FAM81A: variants seen among roughly 807,000 people sequenced by gnomAD.
The protein encoded by FAM81A is protein FAM81A.
FAM81A carries 19 observed loss-of-function variants against 46.7 expected under a neutral mutation model. The ratio of observed to expected loss-of-function variants is 0.41; its 90% CI spans 0.28 to 0.60. The LOEUF (loss-of-function observed/expected upper bound fraction) is 0.60, where lower values mean the gene tolerates loss of function less well. FAM81A is among the 20% of genes least tolerant of loss of function. The probability of loss-of-function intolerance (pLI) is 0.34; values close to 1 mark genes in which losing one functional copy is unlikely to be tolerated. For missense variants in FAM81A, 377 were observed against 453.5 expected (o/e 0.83, Z 1.53); for synonymous variants, 183 against 152.9 (o/e 1.20, Z -1.45).
At chr15:59,518,189 G>A (rs1241231646) in intron 8 of FAM81A, among the ~76,000 whole-genome samples, 3 of 150,662 alleles carry the variant, frequency 2.0e-5, no homozygotes, top group South Asian at 2.1e-4. Flanking sequence ...TGTTGGCCAG[G>A]CTAGTCTTGA....
At chr15:59,402,898 T>C (rs2081078251) in intron 2 of FAM81A, among the ~76,000 whole-genome samples, 1 of 152,206 alleles carries the variant, frequency 6.6e-6, no homozygotes, top group Non-Finnish European at 1.5e-5. Flanking sequence ...CTAAATCATC[T>C]TCATAGGGGT....
In FAM81A at chr15:59,422,300, A is replaced by C. The variant is rs1376424882; in HGVS notation, c.-78+19942A>C. On this transcript the variant is annotated intron_variant, in intron 2 of 4. Transcript: ENST00000558348. ...CTTGTAGTATCCCTGAGATTAGGGT[A>C]TCACTTGAGCCCAGGAGTTCGAGGC... 6.6e-5 allele frequency among the ~76,000 whole-genome samples: 10 copies of C among 152,200 alleles called. No individual in the cohort carries two copies. The East Asian group carries it at 1.9e-3, about 29-fold the overall frequency.
rs545436445 is a variant in FAM81A, at chr15:59,422,623, C to T, written c.-78+20265C>T. Among the ~76,000 whole-genome samples, 6 of 152,104 alleles carry T rather than the reference C, an allele frequency of 3.9e-5. No homozygotes were observed. In the South Asian group the frequency reaches 1.2e-3, roughly 32 times the overall value. ...TCCGAAGTAGCTGGGACTACAGGTG[C>T]CTGCCACCACGCTCAGCTAATTTTT... On this transcript the variant is annotated intron_variant, in intron 2 of 4. Coordinates refer to the FAM81A transcript ENST00000558348.
At chr15:59,490,500 C>G (rs2081969309) in intron 3 of FAM81A, among the ~76,000 whole-genome samples, 1 of 152,130 alleles carries the variant, frequency 6.6e-6, no homozygotes, top group Non-Finnish European at 1.5e-5. Flanking sequence ...AAAAGGTGCT[C>G]AACATCATTG....
At chr15:59,501,734 C>G (rs561396434) in intron 4 of FAM81A, among the ~76,000 whole-genome samples, 20 of 152,236 alleles carry the variant, frequency 1.3e-4, no homozygotes, top group African/African-American at 4.8e-4. Flanking sequence ...GGAATTGTAT[C>G]TGGGAGGTAA....
intron 3 of FAM81A, among the ~76,000 whole-genome samples, chr15:59,487,343 G>A (rs2081930221): frequency 6.7e-6 from 1 of 149,916 alleles, no homozygotes; most frequent in South Asian, 2.1e-4. Context: ...ACGATCTAAG[G>A]ATATGTCTTA....
intron 4 of FAM81A, among the ~76,000 whole-genome samples, chr15:59,497,951 G>T (rs536469109): frequency 7.9e-5 from 12 of 152,294 alleles, no homozygotes; most frequent in Middle Eastern, 3.4e-3. Flanking sequence ...TGAACTCTTG[G>T]GCTCAAGCAA....
At chr15:59,475,500 A>C (rs1045030825) in intron 3 of FAM81A, among the ~76,000 whole-genome samples, 1 of 152,186 alleles carries the variant, frequency 6.6e-6, no homozygotes, top group Non-Finnish European at 1.5e-5. Context: ...GTGAGAAAGT[A>C]ATTTCAATTT....
At chr15:59,440,618 C>G (rs2081287088) in intron 1 of FAM81A, among the ~76,000 whole-genome samples, 1 of 152,156 alleles carries the variant, frequency 6.6e-6, no homozygotes, top group African/African-American at 2.4e-5. Flanking sequence ...CTTGTTCAGT[C>G]TTGAACAAGA....
chr15:59,500,619 C>G (rs1390375928), intron 4 of FAM81A, among the ~76,000 whole-genome samples: 1 of 152,000 alleles, frequency 6.6e-6, no homozygotes, highest in Non-Finnish European at 1.5e-5. Flanking sequence ...TCCTATTATT[C>G]TCATTATGCA....
chr15:59,481,615 A>G (rs2081852112), intron 3 of FAM81A, among the ~76,000 whole-genome samples: 1 of 152,058 alleles, frequency 6.6e-6, no homozygotes, highest in Non-Finnish European at 1.5e-5. Context: ...AAAACCCTTT[A>G]TGAACATCTT....
chr15:59,440,654 G>T (rs1433341480), intron 1 of FAM81A, among the ~76,000 whole-genome samples: 2 of 152,114 alleles, frequency 1.3e-5, no homozygotes, highest in Non-Finnish European at 2.9e-5. Context: ...CTTGAACTCG[G>T]ACTTCAGCCT....
chr15:59,467,590 A>G (rs1290055545), intron 3 of FAM81A, among the ~76,000 whole-genome samples: 2 of 152,232 alleles, frequency 1.3e-5, no homozygotes, highest in Admixed American at 1.3e-4. Context: ...GTTGCTTATC[A>G]GCTTAAGAAG....
chr15:59,408,548 G>C (rs1277355610), intron 2 of FAM81A, among the ~76,000 whole-genome samples: 1 of 152,162 alleles, frequency 6.6e-6, no homozygotes, highest in East Asian at 1.9e-4. Flanking sequence ...ACAAAAATTA[G>C]CTGGGCACTG....
chr15:59,516,105 T>TA (rs749216304), intron 7 of FAM81A, among the ~76,000 whole-genome samples: 9 of 151,886 alleles, frequency 5.9e-5, no homozygotes, highest in Non-Finnish European at 1.2e-4. Context: ...CACTTGTACT[T>TA]ACATCTCATT....
At chr15:59,409,481 C>G (rs2081111205) in intron 2 of FAM81A, among the ~76,000 whole-genome samples, 1 of 152,138 alleles carries the variant, frequency 6.6e-6, no homozygotes. Flanking sequence ...CTCTTCTTGG[C>G]AGGAACAAAG....
chr15:59,459,772 G>A (rs1037590438), intron 2 of FAM81A, among the ~76,000 whole-genome samples, 161 bp from the exon 3 acceptor site: 20 of 152,062 alleles, frequency 1.3e-4, no homozygotes, highest in African/African-American at 4.1e-4. Context: ...GATCTTTCCC[G>A]GCTTGTGAAG....
intron 5 of FAM81A, 136 bp from the exon 6 acceptor site, chr15:59,508,727 G>T: frequency 1.7e-6 from 1 of 585,932 alleles, no homozygotes. Context: ...GGAAAGATGA[G>T]GTAGACTTAT....
chr15:59,432,241 A>G (rs1464334355), intron 2 of FAM81A, among the ~76,000 whole-genome samples: 1 of 152,236 alleles, frequency 6.6e-6, no homozygotes, highest in Non-Finnish European at 1.5e-5. Flanking sequence ...TGTATTTTAA[A>G]CTAACAATTA....
Sources: allele counts gnomAD v4.1 joint callset (sites outside exome capture counted in the v4.1 genomes callset), GRCh38; gene constraint gnomAD v4.1.1; transcripts MANE v1.5; gene names NCBI Gene and HGNC (gene_info 2026-07-23, HGNC 2026-07-21).